Variants in KLHL29 observed in about 807,000 individuals in gnomAD.
KLHL29 encodes kelch-like protein 29.
In KLHL29, 21 loss-of-function variants were observed where a neutral mutation model predicts 80.4. The observed-to-expected ratio is 0.26, with a 90% confidence interval of 0.19 to 0.38. The LOEUF (loss-of-function observed/expected upper bound fraction) is 0.38, where lower values mean the gene tolerates loss of function less well. Among genes scored for constraint, KLHL29 ranks in the 10% least tolerant of loss-of-function variants. The pLI, the probability that KLHL29 is intolerant of heterozygous loss-of-function variation, is 1.00. For synonymous variants in KLHL29, 511 were observed against 526.8 expected, an observed-to-expected ratio of 0.97 and a Z score of 0.41; for missense variants, 867 against 1,223.9, an observed-to-expected ratio of 0.71 and a Z score of 4.35.
chr2:23,548,353 GCACA>G (rs747891313), intron 2 of KLHL29, among the ~76,000 whole-genome samples: 7 of 149,978 alleles, frequency 4.7e-5, no homozygotes, highest in Non-Finnish European at 8.9e-5. Context: ...AGGCACACAG[GCACA>G]CACACAGGCA....
At chr2:23,703,463 C>A in intron 12 of KLHL29, 84 bp downstream of exon 12, 2 of 1,248,072 alleles carry the variant, frequency 1.6e-6, no homozygotes, top group South Asian at 1.6e-5. Flanking sequence ...GCCCAGAAGT[C>A]AGGCTAAGCC....
intron 2 of KLHL29, among the ~76,000 whole-genome samples, chr2:23,488,458 A>G (rs1664993996): frequency 1.3e-5 from 2 of 152,208 alleles, no homozygotes; most frequent in Non-Finnish European, 2.9e-5. Context: ...TCTTGGCAGA[A>G]CTGGCTACAA....
chr2:23,486,648 G>A lies in KLHL29; in HGVS notation c.-46+10981G>A, dbSNP rs527462447. Reference sequence around the variant, plus strand: ...TTTTCTGGTAAATAATTCATAACCCGAGAGATGGGATAAGCTGCCAATAAA... The same window carrying A: ...TTTTCTGGTAAATAATTCATAACCCAAGAGATGGGATAAGCTGCCAATAAA... On this transcript the variant is annotated intron_variant, in intron 2 of 13. Transcript: ENST00000486442. Among the ~76,000 whole-genome samples, 7 of 152,292 alleles carry A rather than the reference G, an allele frequency of 4.6e-5. No individual in the cohort carries two copies. The East Asian group carries it at 5.8e-4, about 13-fold the overall frequency.
At chr2:23,536,190 A>G (rs1666655259) in intron 2 of KLHL29, among the ~76,000 whole-genome samples, 1 of 152,166 alleles carries the variant, frequency 6.6e-6, no homozygotes, top group Non-Finnish European at 1.5e-5. Flanking sequence ...CCACTGGTTT[A>G]ACTTGATTTT....
intron 1 of KLHL29, among the ~76,000 whole-genome samples, chr2:23,432,569 A>G (rs1478508042): frequency 6.6e-6 from 1 of 152,268 alleles, no homozygotes; most frequent in African/African-American, 2.4e-5. Flanking sequence ...TAGATTTAAA[A>G]GACCATTGCA....
intron 1 of KLHL29, among the ~76,000 whole-genome samples, chr2:23,434,427 G>T (rs1316567870): frequency 6.6e-6 from 1 of 150,700 alleles, no homozygotes; most frequent in South Asian, 2.1e-4. Flanking sequence ...ATTCCCTGGT[G>T]GGGAGAGAAA....
At chr2:23,395,903 T>C (rs1666442363) in intron 1 of KLHL29, among the ~76,000 whole-genome samples, 2 of 152,068 alleles carry the variant, frequency 1.3e-5, no homozygotes, top group East Asian at 1.9e-4. Context: ...ATGGTGTGAG[T>C]GTGAGCTAAT....
intron 3 of KLHL29, among the ~76,000 whole-genome samples, chr2:23,629,462 CT>C (rs1398344593): frequency 1.3e-5 from 2 of 151,448 alleles, no homozygotes; most frequent in African/African-American, 4.9e-5. Flanking sequence ...GGAAATGGGA[CT>C]AAGAAGTTTT....
At chr2:23,560,667 G>A (rs950689938) in intron 2 of KLHL29, among the ~76,000 whole-genome samples, 10 of 152,338 alleles carry the variant, frequency 6.6e-5, no homozygotes, top group Middle Eastern at 3.4e-3. Context: ...AAGAAGTTAT[G>A]GTCAGCTCTG....
intron 1 of KLHL29, among the ~76,000 whole-genome samples, chr2:23,415,489 CTAT>C (rs1666963416): frequency 1.3e-5 from 2 of 152,172 alleles, no homozygotes; most frequent in African/African-American, 4.8e-5. Flanking sequence ...AGTTGGAAAG[CTAT>C]TATTTGTTCC....
chr2:23,525,867 G>A (rs1666298742), intron 2 of KLHL29, among the ~76,000 whole-genome samples: 1 of 152,106 alleles, frequency 6.6e-6, no homozygotes, highest in African/African-American at 2.4e-5. Flanking sequence ...GCTGCCCCAG[G>A]CCCCACCTGT....
At position 23,669,350 on chromosome 2, in the gene KLHL29, T is replaced by C. The variant is rs916259476; in HGVS notation, c.941-15049T>C. 1 of 152,026 alleles carries C rather than the reference T, an allele frequency of 6.6e-6. No individual in the cohort carries two copies. Among genetic ancestry groups the C allele is most frequent in the East Asian group, 1.9e-4 (1 of 5,180 alleles). 9.4% of individuals were successfully genotyped at this position (152,026 alleles called of 1,614,324 possible). A position where few individuals can be genotyped will look rare whatever the true frequency, so the allele number is the denominator to read the frequency against. ...GTGGCAGCTGATCTTACCGAATGGG[T>C]AGATGTTTTCTGAACGAGGGCGAAG... is the stretch of plus-strand genomic sequence containing the variant. On this transcript the variant is annotated intron_variant, in intron 5 of 13. Transcript: ENST00000486442. The surrounding 1 kb of genome is among the most constrained non-coding windows in gnomAD (Gnocchi z 4.3).
intron 1 of KLHL29, among the ~76,000 whole-genome samples, chr2:23,431,054 G>T (rs1229050282): frequency 1.3e-5 from 2 of 152,216 alleles, no homozygotes; most frequent in Non-Finnish European, 2.9e-5. Flanking sequence ...TGTGCAGCCT[G>T]GAGAGTGTCC....
rs202215562 is a variant in KLHL29 at position 23,691,674 on chromosome 2, G to A, written c.1080G>A (p.Arg360=). 1,829 of 1,551,640 alleles carry A rather than the reference G, an allele frequency of 1.2e-3. 3 individuals are homozygous for A. Among genetic ancestry groups the A allele is most frequent in the South Asian group, 1.7e-3 (141 of 84,056 alleles). Residue 360 remains arginine, a splice_region_variant and synonymous_variant, in exon 7 of 14, where the codon AGG becomes AGA. Transcript: ENST00000486442. ...CSLYFKDLIQ[R]SVQDSGQGGR... is the part of the protein sequence containing the mutation. ...AGGACACCCTGGTCTCTGTGCCTAG[G>A]TCCGTGCAAGACAGCGGCCAGGGCG...
At chr2:23,507,435 G>T (rs922110687) in intron 2 of KLHL29, among the ~76,000 whole-genome samples, 2 of 152,198 alleles carry the variant, frequency 1.3e-5, no homozygotes, top group Admixed American at 6.5e-5. Flanking sequence ...CACAGTGCAC[G>T]GGTGTCCTTC....
intron 3 of KLHL29, among the ~76,000 whole-genome samples, chr2:23,577,179 G>T (rs2005027): frequency 0.12 from 17,640 of 152,230 alleles, 1,989 homozygotes; most frequent in Admixed American, 0.26. Flanking sequence ...AGCCAGTGCA[G>T]TCGCTCACGC....
intron 1 of KLHL29, among the ~76,000 whole-genome samples, chr2:23,432,006 C>T (rs181244336): frequency 2.4e-4 from 37 of 152,180 alleles, no homozygotes; most frequent in Admixed American, 2.4e-3. Flanking sequence ...TAATACCACC[C>T]GCCCCAGGGA....
At chr2:23,446,755 G>A (rs1663702944) in intron 1 of KLHL29, among the ~76,000 whole-genome samples, 1 of 152,138 alleles carries the variant, frequency 6.6e-6, no homozygotes, top group Non-Finnish European at 1.5e-5. Context: ...CAGCTTTCCT[G>A]ACATTATTTT....
intron 2 of KLHL29, among the ~76,000 whole-genome samples, chr2:23,495,973 C>T (rs999758840): frequency 2.0e-5 from 3 of 152,200 alleles, no homozygotes; most frequent in Non-Finnish European, 2.9e-5. Flanking sequence ...GAGTTGCTGC[C>T]GAATTGGCCA....
Sources: allele counts gnomAD v4.1 joint callset (sites outside exome capture counted in the v4.1 genomes callset), GRCh38; gene constraint gnomAD v4.1.1; non-coding constraint Gnocchi (gnomAD v3.1); transcripts MANE v1.5; gene names NCBI Gene and HGNC (gene_info 2026-07-23, HGNC 2026-07-21).